SEC23B: variants seen among roughly 807,000 people sequenced by gnomAD.
SEC23B encodes the protein protein transport protein Sec23B.
SEC23B carries 77 observed loss-of-function variants against 104.3 expected under a neutral mutation model. The observed-to-expected ratio is 0.74, with a 90% CI of 0.61 to 0.89. SEC23B has a LOEUF of 0.89. Among genes scored for constraint, SEC23B ranks in the 40% least tolerant of loss-of-function variants. The pLI, the probability that SEC23B is intolerant of heterozygous loss-of-function variation, is 0.00. For synonymous variants in SEC23B, 338 were observed against 332.5 expected (o/e 1.02, Z -0.18); for missense variants, 885 against 949.4 (o/e 0.93, Z 0.89).
In SEC23B at chr20:18,543,008, GGAA is replaced by G. The variant is rs1229694775; in HGVS notation, c.1512-10_1512-8del. The G allele has an allele frequency of 2.5e-6, 4 of 1,614,098 alleles. No individual in the cohort carries two copies. The highest frequency in any genetic ancestry group is 3.3e-4 in the Middle Eastern group (2 of 6,062). On this transcript the variant is annotated splice_region_variant and splice_polypyrimidine_tract_variant and intron_variant, in intron 13 of 19. Coordinates refer to ENST00000650089, the MANE Select transcript of SEC23B (RefSeq NM_006363.6). The stretch of plus-strand genomic sequence containing the variant: ...TAAACATAAGCATGGCACTAACTCT[GGAA>G]TTGTCAGTTGGGCAGATGTACAGAG...
In SEC23B at chr20:18,553,317, G is replaced by A. The variant is rs533165478; in HGVS notation, c.1993-918G>A. 1.1e-3 allele frequency among the ~76,000 whole-genome samples: 161 copies of A among 152,322 alleles called. 1 individual carries two copies. Among genetic ancestry groups the A allele is most frequent in the African/African-American group, 3.5e-3 (145 of 41,576 alleles). On this transcript the variant is annotated intron_variant, in intron 17 of 19. Coordinates refer to ENST00000650089, the MANE Select transcript of SEC23B (RefSeq NM_006363.6). ...CCTGGAAAACGGTAACTGCTACTTT[G>A]AGAAGGAGTGAGCAGGCTACAGAAG...
At chr20:18,517,667 T>C (rs982028614) in intron 4 of SEC23B, among the ~76,000 whole-genome samples, 1 of 152,154 alleles carries the variant, frequency 6.6e-6, no homozygotes, top group African/African-American at 2.4e-5. Flanking sequence ...TCAGGACTGC[T>C]TCTAGCGGGA....
chr20:18,507,822 C>G (rs1483227841), upstream of SEC23B: 13 of 152,380 alleles, frequency 8.5e-5, no homozygotes, highest in Admixed American at 8.5e-4. Flanking sequence ...TTCCTCCAGT[C>G]CGTCGGAGAA....
At chr20:18,542,183 C>T (rs754845474) in intron 12 of SEC23B, 113 bp from the exon 13 acceptor site, 4 of 935,710 alleles carry the variant, frequency 4.3e-6, no homozygotes, top group Non-Finnish European at 7.0e-6. Flanking sequence ...CAAAATGTGT[C>T]AAGAACCTTC....
At chr20:18,515,960 T>C in intron 4 of SEC23B, 1 of 525,810 alleles carries the variant, frequency 1.9e-6, no homozygotes, top group Non-Finnish European at 3.4e-6. Context: ...CCAAACCTGT[T>C]CTCTGTAGCC....
Position 18,532,758 on chromosome 20 carries a change from C to G in SEC23B, c.1314+14C>G. 1 of 1,581,616 alleles carries G rather than the reference C, an allele frequency of 6.3e-7. No homozygotes were observed. The highest frequency in any genetic ancestry group is 1.1e-5 in the South Asian group (1 of 90,568). On this transcript the variant is annotated intron_variant, in intron 11 of 19. Coordinates refer to ENST00000650089, the MANE Select transcript of SEC23B (RefSeq NM_006363.6). ...GTGTCAGAAAATGTAAGGAAAACAA[C>G]TCCATCACCCTCACCTCCTGCCCCG... is the stretch of plus-strand genomic sequence containing the variant.
chr20:18,545,017 G>C (rs919570450), intron 14 of SEC23B, among the ~76,000 whole-genome samples: 7 of 77,906 alleles, frequency 9.0e-5, no homozygotes, highest in African/African-American at 2.3e-4. Context: ...TAATGTAATA[G>C]TTTATTTTTG....
rs1352828715 is a variant in SEC23B, at chr20:18,527,743, T to C, written c.1109+132T>C. 1.2e-5 allele frequency: 9 copies of C among 768,006 alleles called. No homozygotes were observed. The Admixed American group carries it at 1.6e-4, about 13-fold the overall frequency. 47.6% of individuals were successfully genotyped at this position (768,006 alleles called of 1,614,324 possible). A position where few individuals can be genotyped will look rare whatever the true frequency, so the allele number is the denominator to read the frequency against. ...AGGTAGCTCTGGGCTATGGTTTCAG[T>C]GACTGGGGAGGGCCTGTGGGCTCCT... On this transcript the variant is annotated intron_variant, in intron 9 of 19. Transcript: ENST00000650089.
Position 18,532,645 on chromosome 20 carries a change from T to C in SEC23B, c.1234-19T>C. ...ATTGAAGTGATCTTTAACTTTACAC[T>C]GTCACATATTTGTTATAGACCTCTC... On this transcript the variant is annotated intron_variant, in intron 10 of 19. Coordinates refer to ENST00000650089, the MANE Select transcript of SEC23B (RefSeq NM_006363.6). The C allele has an allele frequency of 6.3e-7, 1 of 1,576,670 alleles. No individual in the cohort carries two copies.
chr20:18,523,809 A>G (rs2060108615), intron 4 of SEC23B, among the ~76,000 whole-genome samples: 1 of 151,046 alleles, frequency 6.6e-6, no homozygotes, highest in African/African-American at 2.4e-5. Context: ...GGCTTAAGGG[A>G]TCCTCCTGCC....
intron 17 of SEC23B, among the ~76,000 whole-genome samples, chr20:18,553,589 G>A (rs537884396): frequency 1.2e-4 from 19 of 152,224 alleles, no homozygotes; most frequent in African/African-American, 4.6e-4. Context: ...AGAAGGAAGG[G>A]TGATAAAATG....
At chr20:18,559,551 AG>A in intron 19 of SEC23B, among the ~76,000 whole-genome samples, 1 of 152,146 alleles carries the variant, frequency 6.6e-6, no homozygotes, top group East Asian at 1.9e-4. Context: ...TTGCTGGTTC[AG>A]GTGGGTCAGG....
At position 18,527,576 on chromosome 20, in the gene SEC23B, A is replaced by C. The variant is rs1372964649; in HGVS notation, c.1074A>C (p.Gly358=). ...ATGCTTGTGCCCTTGATCAAACTGGACTTTTGGAGATGAAGTGTTGTGCAA... is the reference window on the plus strand; with the variant it reads ...ATGCTTGTGCCCTTGATCAAACTGGCCTTTTGGAGATGAAGTGTTGTGCAA... ...DIYACALDQT[G]LLEMKCCANL... The change falls in exon 9 of 20, where the codon GGA becomes GGC. Residue 358 remains glycine, a synonymous_variant. Coordinates refer to ENST00000650089, the MANE Select transcript of SEC23B (RefSeq NM_006363.6). The C allele has an allele frequency of 6.2e-7, 1 of 1,612,206 alleles. No individual in the cohort carries two copies. The highest frequency in any genetic ancestry group is 1.3e-5 in the African/African-American group (1 of 74,858).
At chr20:18,527,832 G>A (rs2060147598) in intron 9 of SEC23B, among the ~76,000 whole-genome samples, 1 of 152,202 alleles carries the variant, frequency 6.6e-6, no homozygotes, top group Non-Finnish European at 1.5e-5. Flanking sequence ...TCGTTTCAGA[G>A]TAACTTATTT....
At chr20:18,523,885 A>G (rs1488170034) in intron 4 of SEC23B, among the ~76,000 whole-genome samples, 1 of 151,678 alleles carries the variant, frequency 6.6e-6, no homozygotes, top group Non-Finnish European at 1.5e-5. Context: ...TTAAATTTTT[A>G]TATTTTTTTT....
chr20:18,534,506 G>C (rs553211325), intron 11 of SEC23B, among the ~76,000 whole-genome samples: 1 of 152,174 alleles, frequency 6.6e-6, no homozygotes, highest in Admixed American at 6.5e-5. Context: ...CACTATGTCT[G>C]CTGTCCCGTG....
chr20:18,534,754 C>T (rs1189530159), intron 11 of SEC23B, among the ~76,000 whole-genome samples: 1 of 152,062 alleles, frequency 6.6e-6, no homozygotes, highest in Non-Finnish European at 1.5e-5. Flanking sequence ...TTGTCTTTAT[C>T]GTTTCTCCAA....
At chr20:18,518,120 A>C (rs2060046723) in intron 4 of SEC23B, among the ~76,000 whole-genome samples, 2 of 152,148 alleles carry the variant, frequency 1.3e-5, no homozygotes. Flanking sequence ...GAGCCTGAAA[A>C]ACTGTTTGGG....
chr20:18,535,300 A>G (rs1037481179), intron 11 of SEC23B, among the ~76,000 whole-genome samples: 8 of 150,348 alleles, frequency 5.3e-5, no homozygotes, highest in Non-Finnish European at 1.2e-4. Context: ...GCTTGAACCC[A>G]GGAGGTCGAG....
Sources: allele counts gnomAD v4.1 joint callset (sites outside exome capture counted in the v4.1 genomes callset), GRCh38; gene constraint gnomAD v4.1.1; transcripts MANE v1.5; gene names NCBI Gene and HGNC (gene_info 2026-07-23, HGNC 2026-07-21).